The following XKR5 variants were observed in gnomAD, a reference collection of about 807,000 sequenced individuals.
The protein encoded by XKR5 is XK-related protein 5.
In XKR5, 46 loss-of-function variants were observed where a neutral mutation model predicts 40.8. The ratio of observed to expected loss-of-function variants is 1.13; its 90% CI spans 0.89 to 1.44. XKR5 has a LOEUF of 1.44. Among genes scored for constraint, XKR5 ranks in the 40% most tolerant of loss-of-function variants. The pLI is 0.00. For missense variants in XKR5, 1,169 were observed against 844.7 expected (o/e 1.38, Z -4.76); for synonymous variants, 466 against 356.1 (o/e 1.31, Z -3.48).
At chr8:6,833,294 G>A (rs559633529) in intron 1 of XKR5, among the ~76,000 whole-genome samples, 1 of 152,208 alleles carries the variant, frequency 6.6e-6, no homozygotes, top group African/African-American at 2.4e-5. Context: ...AAAGCGTCTG[G>A]CCTCAACTTC....
chr8:6,817,538 G>C (rs1465507009), intron 5 of XKR5, among the ~76,000 whole-genome samples: 2 of 151,628 alleles, frequency 1.3e-5, no homozygotes, highest in Non-Finnish European at 2.9e-5. Flanking sequence ...CACTGACCGA[G>C]TTTCCAGCAG....
Position 6,825,263 on chromosome 8 carries a change from G to T in XKR5, c.329C>A (p.Ser110Ter), listed in dbSNP as rs749075094. The T allele has an allele frequency of 6.2e-7, 1 of 1,611,828 alleles. No homozygotes were observed. The highest frequency in any genetic ancestry group is 8.5e-7 in the Non-Finnish European group (1 of 1,179,262). Reference sequence around the variant, plus strand: ...CAGGGCCTCCAAGAGTCGAAGGGCCGACAGGTCGGCCTCCTGCAGCTGCAG... The same window carrying T: ...CAGGGCCTCCAAGAGTCGAAGGGCCTACAGGTCGGCCTCCTGCAGCTGCAG... ...GWLQLQEADL[S>*]ALRLLEALLQ... is the part of the protein sequence containing the mutation. Residue 110 changes from serine (S) to a stop codon, truncating the protein, a stop_gained, in exon 3 of 7, where the codon TCG (serine) becomes TAG (stop). Coordinates refer to ENST00000618742, the MANE Select transcript of XKR5 (RefSeq NM_207411.5). LOFTEE classifies it high-confidence loss of function.
At position 6,829,311 on chromosome 8, in the gene XKR5, A is replaced by G; in HGVS notation, c.242+3406T>C. Reference sequence around the variant, plus strand: ...ATTTACAAGTGGATTTGTGGGCTTAAAAAGAAAGATGAAAAAGATGTTGGT... The same window carrying G: ...ATTTACAAGTGGATTTGTGGGCTTAGAAAGAAAGATGAAAAAGATGTTGGT... On this transcript the variant is annotated intron_variant, in intron 2 of 6. Coordinates refer to ENST00000618742, the MANE Select transcript of XKR5 (RefSeq NM_207411.5). 5 of 169,368 alleles carry G rather than the reference A, an allele frequency of 3.0e-5. 1 individual carries two copies. In the Middle Eastern group the frequency reaches 2.6e-3, roughly 88 times the overall value. 10.5% of individuals were successfully genotyped at this position (169,368 alleles called of 1,614,324 possible). A position where few individuals can be genotyped will look rare whatever the true frequency, so the allele number is the denominator to read the frequency against.
chr8:6,809,039 C>T lies in XKR5; in HGVS notation c.*2159G>A, dbSNP rs1276632997. The T allele has an allele frequency of 6.6e-6, 1 of 152,260 alleles. No homozygotes were observed. The highest frequency in any genetic ancestry group is 1.5e-5 in the Non-Finnish European group (1 of 68,134). 9.4% of individuals were successfully genotyped at this position (152,260 alleles called of 1,614,324 possible). The stretch of plus-strand genomic sequence containing the variant: ...CAGGGCTTCAAGTTTAGGAAGAGGT[C>T]ACCAGAGGGCAAAGGGCAGTGGAAT... On this transcript the variant is annotated 3_prime_UTR_variant, in exon 7 of 7. Transcript: ENST00000618742.
intron 2 of XKR5, among the ~76,000 whole-genome samples, chr8:6,826,648 G>C (rs1228131903): frequency 6.6e-6 from 1 of 152,182 alleles, no homozygotes; most frequent in Non-Finnish European, 1.5e-5. Flanking sequence ...TGAGGAATGT[G>C]AGGATGGGTG....
chr8:6,831,885 C>G (rs1008625026), intron 2 of XKR5, among the ~76,000 whole-genome samples: 1 of 151,958 alleles, frequency 6.6e-6, no homozygotes, highest in Non-Finnish European at 1.5e-5. Flanking sequence ...CATGGTGGCA[C>G]GTGCCTGTAG....
intron 2 of XKR5, among the ~76,000 whole-genome samples, chr8:6,825,861 G>T (rs996748657): frequency 6.6e-6 from 1 of 152,332 alleles, no homozygotes; most frequent in East Asian, 1.9e-4. Flanking sequence ...AGCAGACAGG[G>T]AAGAAGGATC....
chr8:6,828,890 C>T (rs759960819), intron 2 of XKR5, among the ~76,000 whole-genome samples: 1 of 152,194 alleles, frequency 6.6e-6, no homozygotes, highest in African/African-American at 2.4e-5. Flanking sequence ...TGCCACATTC[C>T]TGCCATCTAG....
chr8:6,814,832 G>C (rs963250823), intron 6 of XKR5, among the ~76,000 whole-genome samples: 2 of 152,140 alleles, frequency 1.3e-5, no homozygotes, highest in Admixed American at 1.3e-4. Context: ...TCTCTGACCC[G>C]TGAACAGCCC....
chr8:6,832,126 GC>G (rs1390188822), intron 2 of XKR5, among the ~76,000 whole-genome samples: 1 of 151,454 alleles, frequency 6.6e-6, no homozygotes, highest in Non-Finnish European at 1.5e-5. Flanking sequence ...TCTTCTCATA[GC>G]TCCTTGAATC....
In XKR5 at chr8:6,823,548, A is replaced by T; in HGVS notation, c.610T>A (p.Tyr204Asn). ...VLSLVLFYKA[Y>N]HFWVFVVAGA... Reference sequence around the variant, plus strand: ...GCAACCACAAAAACCCAAAAGTGGTAGGCTTTGTAGAACAGAACCAGACTC... The same window carrying T: ...GCAACCACAAAAACCCAAAAGTGGTTGGCTTTGTAGAACAGAACCAGACTC... Residue 204 changes from tyrosine (Y) to asparagine (N), a missense_variant, in exon 4 of 7, where the codon TAC (tyrosine) becomes AAC (asparagine). Transcript: ENST00000618742. 3 of 1,593,152 alleles carry T rather than the reference A, an allele frequency of 1.9e-6. No homozygotes were observed. Among genetic ancestry groups the T allele is most frequent in the Non-Finnish European group, 2.6e-6 (3 of 1,169,782 alleles).
Position 6,812,043 on chromosome 8 carries a change from G to A in XKR5, c.1216C>T (p.Leu406=), listed in dbSNP as rs554710625. The A allele has an allele frequency of 6.5e-7, 1 of 1,538,454 alleles. No individual in the cohort carries two copies. The change falls in exon 7 of 7, where the codon CTG becomes TTG. Residue 406 remains leucine, a synonymous_variant. Transcript: ENST00000618742. ...GTTTTTAGGGCAAGTTTCACCCACAGCCAGTGGTGATGACTGAGGAAAGAG... is the reference window on the plus strand; with the variant it reads ...GTTTTTAGGGCAAGTTTCACCCACAACCAGTGGTGATGACTGAGGAAAGAG... ...EDSFLSHHHW[L]WVKLALKTGN...
chr8:6,817,536 G>A (rs1173071400), intron 5 of XKR5, among the ~76,000 whole-genome samples: 2 of 151,744 alleles, frequency 1.3e-5, no homozygotes, highest in Non-Finnish European at 2.9e-5. Flanking sequence ...AACACTGACC[G>A]AGTTTCCAGC....
At position 6,820,197 on chromosome 8, in the gene XKR5, C is replaced by G. The variant is rs189316778; in HGVS notation, c.807+1672G>C. Among the ~76,000 whole-genome samples, 137 of 152,346 alleles carry G rather than the reference C, an allele frequency of 9.0e-4. No homozygotes were observed. The Middle Eastern group carries it at 0.017, about 19-fold the overall frequency. Reference sequence around the variant, plus strand: ...TTCCCCATCACATGCTGTAGGGATCCAAGCCCCCGGGCTAGGACTGCCCGG... The same window carrying G: ...TTCCCCATCACATGCTGTAGGGATCGAAGCCCCCGGGCTAGGACTGCCCGG... On this transcript the variant is annotated intron_variant, in intron 5 of 6. Transcript: ENST00000618742.
At position 6,835,303 on chromosome 8, in the gene XKR5, C is replaced by G. The variant is rs769118743; in HGVS notation, c.58+133G>C. On this transcript the variant is annotated intron_variant, in intron 1 of 6. Coordinates refer to ENST00000618742, the MANE Select transcript of XKR5 (RefSeq NM_207411.5). ...TGCAGGTGGGATGGCCACCACCGTG[C>G]GTCACCGGCGCGCAGTGCTGGGCGC... 2.2e-5 allele frequency: 20 copies of G among 896,460 alleles called. No homozygotes were observed. The African/African-American group carries it at 3.5e-4, about 16-fold the overall frequency. The allele number at this position is 896,460 out of a possible 1,614,324, so 55.5% of individuals were successfully genotyped here.
intron 6 of XKR5, among the ~76,000 whole-genome samples, chr8:6,813,549 T>C (rs1803830345): frequency 6.6e-6 from 1 of 152,190 alleles, no homozygotes; most frequent in South Asian, 2.1e-4. Context: ...GGAGCCTGGA[T>C]GCAAGCTTGT....
Position 6,812,104 on chromosome 8 carries a change from TG to T in XKR5, c.1154del (p.Pro385GlnfsTer24), listed in dbSNP as rs1270588858. The T allele has an allele frequency of 5.8e-6, 9 of 1,545,698 alleles. No homozygotes were observed. The highest frequency in any genetic ancestry group is 2.0e-5 in the Admixed American group (1 of 50,980). Reference protein sequence around the residue: ...GKPPTPEQVPPEAGLGTQVAV... With the variant: ...GKPPTPEQVPXEAGLGTQVAV... The stretch of plus-strand genomic sequence containing the variant: ...CAACCTGGGTCCCCAGCCCAGCCTC[TG>T]GGGGGACCTGCTCAGGGGTAGGGGG... On this transcript the variant is annotated frameshift_variant, in exon 7 of 7. Transcript: ENST00000618742. LOFTEE classifies it low-confidence loss of function (END_TRUNC).
Position 6,812,194 on chromosome 8 carries a change from C to T in XKR5, c.1065G>A (p.Gly355=), listed in dbSNP as rs979779042. The T allele has an allele frequency of 2.6e-6, 4 of 1,551,808 alleles. No homozygotes were observed. The highest frequency in any genetic ancestry group is 3.5e-6 in the Non-Finnish European group (4 of 1,147,014). The change falls in exon 7 of 7, where the codon GGG becomes GGA. Residue 355 remains glycine (G), a synonymous_variant. Transcript: ENST00000618742. ...RDSPRATDLA[G]KRTESSGSCQ... ...ATGAGCCTGAGCTCTCGGTTCTCTT[C>T]CCAGCTAGATCTGTGGCCCGGGGAG... is the stretch of plus-strand genomic sequence containing the variant.
rs1404497501 is a variant in XKR5, at chr8:6,812,145, T to C, written c.1114A>G (p.Thr372Ala). 1.9e-6 allele frequency: 3 copies of C among 1,551,220 alleles called. No individual in the cohort carries two copies. ...GSCQGASYEPTILGKPPTPEQ... is the reference protein window; with the variant it reads ...GSCQGASYEPAILGKPPTPEQ... ...GGGGTAGGGGGCTTCCCTAAAATGGTTGGTTCATAACTTGCCCCTTGGCAT... is the reference window on the plus strand; with the variant it reads ...GGGGTAGGGGGCTTCCCTAAAATGGCTGGTTCATAACTTGCCCCTTGGCAT... The change falls in exon 7 of 7, where the codon ACC becomes GCC. Residue 372 changes from threonine (T) to alanine (A), a missense_variant. By Grantham distance (58) the Thr-to-Ala change is moderately conservative (BLOSUM62 0). Transcript: ENST00000618742.
Sources: gnomAD v4.1 joint callset for allele counts (sites outside exome capture counted in the v4.1 genomes callset) on GRCh38, gnomAD v4.1.1 for gene constraint, MANE v1.5 for transcripts, NCBI Gene and HGNC (gene_info 2026-07-23, HGNC 2026-07-21) for gene names.